SLC8A1: variants seen among roughly 807,000 people sequenced by gnomAD.
The protein encoded by SLC8A1 is solute carrier family 8 member A1.
A neutral mutation model predicts 68.3 loss-of-function variants in SLC8A1; 18 were observed. The observed-to-expected ratio is 0.26, with a 90% CI of 0.18 to 0.39. The LOEUF (loss-of-function observed/expected upper bound fraction) is 0.39. Ranked by LOEUF, SLC8A1 falls within the 10% of genes least tolerant of loss-of-function variation. SLC8A1 has a pLI of 1.00. For synonymous variants in SLC8A1, 475 were observed against 415.5 expected (o/e 1.14, Z -1.74); for missense variants, 985 against 1,156.7 (o/e 0.85, Z 2.15).
intron 1 of SLC8A1, among the ~76,000 whole-genome samples, chr2:40,480,861 C>T (rs921605705): frequency 2.0e-5 from 3 of 152,202 alleles, no homozygotes; most frequent in African/African-American, 7.2e-5. Context: ...AGACCAGCAG[C>T]CACTGACTTA....
chr2:40,213,587 G>A (rs1345809555), intron 2 of SLC8A1: 2 of 152,194 alleles, frequency 1.3e-5, no homozygotes, highest in Non-Finnish European at 2.9e-5. Context: ...CTTAACCAAA[G>A]TCCCTTCATT....
In SLC8A1 at chr2:40,467,696, T is replaced by C. The variant is rs188100091; in HGVS notation, c.-24-37392A>G. Among the ~76,000 whole-genome samples the C allele has an allele frequency of 3.7e-3, 558 of 152,296 alleles. 4 individuals are homozygous for C. The highest frequency in any genetic ancestry group is 6.5e-3 in the Non-Finnish European group (440 of 68,010). On this transcript the variant is annotated intron_variant, in intron 1 of 7. Transcript: ENST00000402441. ...ATTCCTGTCAGAACGCTGTCCACTT[T>C]AATTAAATCCCAATTAATTTCCTCT... is the stretch of plus-strand genomic sequence containing the variant.
chr2:40,115,413 T>A, exon 8 of SLC8A1: 1 of 1,614,078 alleles, frequency 6.2e-7, no homozygotes. Context: ...CACCCCCACA[T>A]TGATGAAAGC....
chr2:40,377,947 A>G (rs1003708950), intron 2 of SLC8A1, among the ~76,000 whole-genome samples: 1 of 152,080 alleles, frequency 6.6e-6, no homozygotes, highest in Non-Finnish European at 1.5e-5. Context: ...TTGTCTTATA[A>G]TTTCTACCAC....
intron 2 of SLC8A1, among the ~76,000 whole-genome samples, chr2:40,204,555 G>C (rs1327726645): frequency 1.3e-5 from 2 of 151,974 alleles, no homozygotes; most frequent in Non-Finnish European, 1.5e-5. Context: ...ACCAGTAAGA[G>C]AACATGGATT....
intron 2 of SLC8A1, among the ~76,000 whole-genome samples, chr2:40,238,598 G>A (rs1425060265): frequency 1.3e-5 from 2 of 152,214 alleles, no homozygotes; most frequent in Non-Finnish European, 2.9e-5. Context: ...GTAGACCGGA[G>A]CTGTTCCTAT....
chr2:40,452,457 C>T (rs1428355958), upstream of SLC8A1, among the ~76,000 whole-genome samples: 1 of 152,140 alleles, frequency 6.6e-6, no homozygotes, highest in Non-Finnish European at 1.5e-5. Flanking sequence ...TCTCTCGCAC[C>T]CAGCCCATCG....
At chr2:40,242,166 GAGAC>G (rs1418303446) in intron 2 of SLC8A1, among the ~76,000 whole-genome samples, 1 of 151,976 alleles carries the variant, frequency 6.6e-6, no homozygotes, top group East Asian at 1.9e-4. Context: ...GTGTGAGAGA[GAGAC>G]AGAGAATATG....
chr2:40,252,969 G>A (rs62150777), intron 2 of SLC8A1, among the ~76,000 whole-genome samples: 89,778 of 134,116 alleles, frequency 0.67, 30,875 homozygotes, highest in Middle Eastern at 0.8. Flanking sequence ...GTATATGTAT[G>A]TACATATATG....
chr2:40,466,928 A>G (rs1017328535), intron 1 of SLC8A1, among the ~76,000 whole-genome samples: 2 of 151,670 alleles, frequency 1.3e-5, no homozygotes, highest in African/African-American at 2.4e-5. Context: ...AAGTGCCCAG[A>G]TATTGAGATT....
At chr2:40,322,455 C>G (rs1324718672) in intron 2 of SLC8A1, among the ~76,000 whole-genome samples, 1 of 139,174 alleles carries the variant, frequency 7.2e-6, no homozygotes, top group Non-Finnish European at 1.5e-5. Flanking sequence ...GCCAGGAGTT[C>G]AAGGCCAGCT....
intron 2 of SLC8A1, among the ~76,000 whole-genome samples, chr2:40,387,885 C>G (rs966004119): frequency 7.1e-6 from 1 of 141,244 alleles, no homozygotes. Context: ...TGCAGTGAGC[C>G]GAAATCATGC....
intron 2 of SLC8A1, among the ~76,000 whole-genome samples, chr2:40,280,953 T>G (rs969219985): frequency 3.3e-5 from 5 of 152,238 alleles, no homozygotes; most frequent in Admixed American, 6.5e-5. Context: ...TCTGTTAGCA[T>G]GAATAGAATG....
chr2:40,498,813 A>G (rs1250237837), intron 1 of SLC8A1, among the ~76,000 whole-genome samples: 2 of 152,094 alleles, frequency 1.3e-5, no homozygotes, highest in Non-Finnish European at 2.9e-5. Context: ...GATGACATTT[A>G]GAATCCATAA....
chr2:40,192,954 C>T (rs1008797584), intron 2 of SLC8A1, among the ~76,000 whole-genome samples: 5 of 152,090 alleles, frequency 3.3e-5, no homozygotes, highest in Admixed American at 3.3e-4. Flanking sequence ...CTGTATTCAA[C>T]AGTAACCATC....
chr2:40,432,734 G>C (rs1306898589), intron 1 of SLC8A1, among the ~76,000 whole-genome samples: 1 of 151,940 alleles, frequency 6.6e-6, no homozygotes. Context: ...TAGAAGATGA[G>C]AATCACTGGG....
At chr2:40,228,712 C>A (rs114672999) in intron 2 of SLC8A1, among the ~76,000 whole-genome samples, 2 of 152,122 alleles carry the variant, frequency 1.3e-5, no homozygotes, top group African/African-American at 4.8e-5. Context: ...CTATGTTGAA[C>A]GCAGAAATGG....
exon 2 of SLC8A1, chr2:40,430,173 C>G (rs780535144): frequency 2.5e-6 from 4 of 1,613,760 alleles, no homozygotes. Flanking sequence ...CCATTTCTGT[C>G]TCAGCAATTA....
intron 2 of SLC8A1, among the ~76,000 whole-genome samples, chr2:40,364,783 T>C (rs1041959676): frequency 6.6e-6 from 1 of 152,102 alleles, no homozygotes; most frequent in Admixed American, 6.6e-5. Context: ...GCCCAGTTCT[T>C]GAATTATTTT....
Sources: gnomAD v4.1 joint callset for allele counts (sites outside exome capture counted in the v4.1 genomes callset) on GRCh38, gnomAD v4.1.1 for gene constraint, MANE v1.5 for transcripts, NCBI Gene and HGNC (gene_info 2026-07-23, HGNC 2026-07-21) for gene names.